PUDP: variants seen among roughly 807,000 people sequenced by gnomAD.
The protein encoded by PUDP is pseudouridine 5'-phosphatase.
Under a neutral mutation model 9.4 loss-of-function variants are expected in PUDP, and 8 were observed. The observed-to-expected ratio is 0.85, with a 90% CI of 0.50 to 1.53. The LOEUF (loss-of-function observed/expected upper bound fraction) is 1.53. Ranked by LOEUF, PUDP falls within the 40% of genes most tolerant of loss-of-function variation. PUDP has a pLI of 0.00. For synonymous variants in PUDP, 99 were observed against 80.7 expected (o/e 1.23, Z -1.22); for missense variants, 188 against 189.7 (o/e 0.99, Z 0.05).
intron 3 of PUDP, among the ~76,000 whole-genome samples, chrX:6,927,220 C>T (rs1342251725): frequency 9.0e-6 from 1 of 110,940 alleles, no homozygotes; most frequent in Non-Finnish European, 1.9e-5. Context: ...AGGCATGAGC[C>T]ATGGTGCCTG....
chrX:7,040,914 C>T (rs1209251600), intron 1 of PUDP, among the ~76,000 whole-genome samples: 2 of 110,906 alleles, frequency 1.8e-5, no homozygotes. Flanking sequence ...ACCTCTCCAG[C>T]GTCCTAACAA....
rs747183448 is a variant in PUDP, at chrX:6,822,087, CAGAA to C, written c.*248-115625_*248-115622del. On this transcript the variant is annotated intron_variant and NMD_transcript_variant, in intron 3 of 3. Coordinates refer to the PUDP transcript ENST00000655425. ...TTCTCCAGGACCCCACTCTCTGCAG[CAGAA>C]AGAGCTTTTCTCTTTCTTTTGCCTA... 8.9e-4 allele frequency among the ~76,000 whole-genome samples: 99 copies of C among 111,570 alleles called. 1 individual carries two copies. The highest frequency in any genetic ancestry group is 1.6e-3 in the Non-Finnish European group (84 of 53,134).
intron 3 of PUDP, among the ~76,000 whole-genome samples, chrX:7,072,383 T>C (rs1366768360): frequency 8.9e-6 from 1 of 112,413 alleles, no homozygotes; most frequent in African/African-American, 3.2e-5. Context: ...CAGTTTAACA[T>C]GTATAACTTT....
chrX:6,781,531 G>A (rs1925562683), intron 3 of PUDP, among the ~76,000 whole-genome samples: 2 of 111,990 alleles, frequency 1.8e-5, no homozygotes, highest in Non-Finnish European at 3.8e-5. Context: ...AGAATCCTCT[G>A]AAGGATCAAA....
chrX:6,829,097 A>T (rs112621921), intron 3 of PUDP, among the ~76,000 whole-genome samples: 11,370 of 110,566 alleles, frequency 0.1, 603 homozygotes, highest in African/African-American at 0.2. Context: ...AGCAAGAAGG[A>T]GCCATCTATG....
At chrX:6,929,640 A>T (rs1035427584) in intron 3 of PUDP, among the ~76,000 whole-genome samples, 1 of 112,370 alleles carries the variant, frequency 8.9e-6, no homozygotes, top group African/African-American at 3.2e-5. Context: ...ATGCACATCC[A>T]GCTCCCCTTT....
intron 3 of PUDP, among the ~76,000 whole-genome samples, chrX:6,881,615 C>A (rs1003006279): frequency 8.9e-6 from 1 of 111,948 alleles, no homozygotes; most frequent in Admixed American, 9.5e-5. Flanking sequence ...GAGTGCCTCA[C>A]TTGTTTTTAC....
chrX:7,116,656 C>T lies in PUDP; in HGVS notation c.62-10818G>A, dbSNP rs151094701. ...TGAACTAATCTCCATGCCCCCTCTA[C>T]GCCAAAAAGACCCTGCATCAGGTCA... On this transcript the variant is annotated intron_variant, in intron 1 of 3. Transcript: ENST00000381077. 8.6e-3 allele frequency among the ~76,000 whole-genome samples: 959 copies of T among 112,017 alleles called. 4 individuals carry two copies. The highest frequency in any genetic ancestry group is 0.014 in the Non-Finnish European group (763 of 53,194).
At chrX:6,837,121 T>C (rs753752734) in intron 3 of PUDP, among the ~76,000 whole-genome samples, 1 of 112,361 alleles carries the variant, frequency 8.9e-6, no homozygotes, top group Non-Finnish European at 1.9e-5. Flanking sequence ...TAAGGGAATA[T>C]GGAATTGAGT....
intron 3 of PUDP, among the ~76,000 whole-genome samples, chrX:6,811,126 T>C (rs1602629540): frequency 9.0e-6 from 1 of 111,359 alleles, no homozygotes; most frequent in African/African-American, 3.3e-5. Flanking sequence ...TTCTCAAAAA[T>C]AGGAGTGTAT....
intron 2 of PUDP, among the ~76,000 whole-genome samples, chrX:7,087,415 C>T (rs772593611): frequency 2.1e-4 from 23 of 111,521 alleles, no homozygotes; most frequent in Non-Finnish European, 3.4e-4. Context: ...ACCTTGACTT[C>T]GGACTTCTAG....
intron 2 of PUDP, among the ~76,000 whole-genome samples, chrX:7,080,040 C>T (rs192336821): frequency 5.2e-4 from 58 of 111,503 alleles, no homozygotes; most frequent in African/African-American, 1.8e-3. Flanking sequence ...AAATCAAAAG[C>T]GAGTTGTTTG....
At chrX:6,881,227 G>T (rs922017908) in intron 3 of PUDP, among the ~76,000 whole-genome samples, 19 of 111,813 alleles carry the variant, frequency 1.7e-4, no homozygotes, top group Admixed American at 2.9e-4. Flanking sequence ...GACAGCAAGT[G>T]CAATTTTTAT....
At chrX:6,967,516 A>G (rs970780716) in intron 3 of PUDP, among the ~76,000 whole-genome samples, 3 of 111,118 alleles carry the variant, frequency 2.7e-5, no homozygotes, top group African/African-American at 9.8e-5. Context: ...GCCGCTTTGC[A>G]CCTATGCCGT....
intron 1 of PUDP, among the ~76,000 whole-genome samples, chrX:7,139,426 T>G (rs773935764): frequency 8.9e-6 from 1 of 111,961 alleles, no homozygotes; most frequent in African/African-American, 3.2e-5. Context: ...TCGGATGCAG[T>G]ATAGTTACAG....
intron 3 of PUDP, among the ~76,000 whole-genome samples, chrX:6,837,368 C>T (rs760715728): frequency 1.8e-5 from 2 of 112,812 alleles, no homozygotes; most frequent in African/African-American, 3.2e-5. Context: ...CACAAAGCTA[C>T]GATGGAAGGG....
At chrX:6,800,062 G>A (rs757356079) in intron 3 of PUDP, among the ~76,000 whole-genome samples, 7 of 111,574 alleles carry the variant, frequency 6.3e-5, no homozygotes, top group Non-Finnish European at 1.1e-4. Flanking sequence ...ACAGACCCGA[G>A]CTACTTAACT....
chrX:7,083,903 C>A (rs56112025), intron 2 of PUDP, among the ~76,000 whole-genome samples: 25,186 of 91,362 alleles, frequency 0.28, 2,560 homozygotes, highest in Admixed American at 0.43. Context: ...ACAACAACAA[C>A]AAAAAAAAAA....
intron 3 of PUDP, among the ~76,000 whole-genome samples, chrX:6,932,454 C>A (rs1232826910): frequency 8.9e-6 from 1 of 111,944 alleles, no homozygotes. Flanking sequence ...ATGTCTTCAT[C>A]CTTAAAGAAT....
Sources: allele counts gnomAD v4.1 joint callset (sites outside exome capture counted in the v4.1 genomes callset), GRCh38; gene constraint gnomAD v4.1.1; transcripts MANE v1.5; gene names NCBI Gene and HGNC (gene_info 2026-07-23, HGNC 2026-07-21).